Variants in ROCK2 observed in about 807,000 individuals in gnomAD.
The protein encoded by ROCK2 is Rho associated coiled-coil containing protein kinase 2, also known as rho-associated protein kinase 2.
ROCK2 carries 61 observed loss-of-function variants against 195.1 expected under a neutral mutation model. That is an observed-to-expected ratio of 0.31 (90% CI 0.25 to 0.39). The LOEUF (loss-of-function observed/expected upper bound fraction) is 0.39, where lower values mean the gene tolerates loss of function less well. ROCK2 is among the 10% of genes least tolerant of loss of function. The pLI is 1.00. For missense variants in ROCK2, 1,109 were observed against 1,637.4 expected (o/e 0.68, Z 5.57); for synonymous variants, 504 against 545.5 (o/e 0.92, Z 1.06).
intron 9 of ROCK2, 26 bp from the exon 10 acceptor site, chr2:11,219,052 A>T: frequency 1.6e-6 from 2 of 1,284,022 alleles, no homozygotes; most frequent in Admixed American, 4.6e-5. Context: ...GAGAAAATAA[A>T]TTTTTTCATT....
intron 21 of ROCK2, 31 bp downstream of exon 21, chr2:11,202,020 GC>G (rs1358298336): frequency 7.8e-6 from 12 of 1,536,992 alleles, no homozygotes; most frequent in South Asian, 1.1e-5. Flanking sequence ...AACTCTGTTT[GC>G]TATTTGCAAA....
Position 11,201,087 on chromosome 2 carries a change from A to G in ROCK2, c.2780T>C (p.Leu927Pro). 1 of 1,613,564 alleles carries G rather than the reference A, an allele frequency of 6.2e-7. No individual in the cohort carries two copies. Among genetic ancestry groups the G allele is most frequent in the Non-Finnish European group, 8.5e-7 (1 of 1,179,850 alleles). ...ITLTKADSEQ[L>P]ARSIAEEQYS... is the part of the protein sequence containing the mutation. Reference sequence around the variant, plus strand: ...TTGTTCTTCAGCAATTGAACGAGCCAGTTGCTCAGAATCTGCTTTGGTCAA... The same window carrying G: ...TTGTTCTTCAGCAATTGAACGAGCCGGTTGCTCAGAATCTGCTTTGGTCAA... Residue 927 changes from leucine to proline, a missense_variant, in exon 23 of 33, where the codon CTG becomes CCG. By Grantham distance (98) the Leu-to-Pro change is moderately conservative. Transcript: ENST00000315872. This position sits in a 1 kb window ranked among gnomAD's most constrained non-coding sequence, Gnocchi z 4.6.
intron 3 of ROCK2, among the ~76,000 whole-genome samples, chr2:11,255,216 CAAAAA>C (rs70953375): frequency 1.1e-4 from 12 of 109,210 alleles, no homozygotes; most frequent in Non-Finnish European, 1.4e-4. Flanking sequence ...GACCCCATCT[CAAAAA>C]AAAAAAAAAA....
chr2:11,227,313 A>T lies in ROCK2; in HGVS notation c.809T>A (p.Phe270Tyr), dbSNP rs1664849839. The change falls in exon 6 of 33, where the codon TTC (phenylalanine) becomes TAC (tyrosine). Residue 270 changes from phenylalanine to tyrosine, a missense_variant. This residue lies in a region of ROCK2 where 253 missense variants were observed against 455.5 expected (regional missense o/e 0.56). Transcript: ENST00000315872. ...CCACCAATCACATTCTCGCCCATAGAAACCATCACCCCCTTGTGATTTCAG... is the reference window on the plus strand; with the variant it reads ...CCACCAATCACATTCTCGCCCATAGTAACCATCACCCCCTTGTGATTTCAG... ...EVLKSQGGDG[F>Y]YGRECDWWSV... 1 of 1,613,908 alleles carries T rather than the reference A, an allele frequency of 6.2e-7. No homozygotes were observed. Among genetic ancestry groups the T allele is most frequent in the Non-Finnish European group, 8.5e-7 (1 of 1,179,932 alleles).
chr2:11,307,979 G>T, intron 1 of ROCK2: 1 of 1,487,904 alleles, frequency 6.7e-7, no homozygotes, highest in Non-Finnish European at 8.9e-7. Context: ...CCTAGAACCC[G>T]GCCTTGCTGG....
intron 13 of ROCK2, 87 bp downstream of exon 13, chr2:11,216,071 T>C: frequency 9.8e-7 from 1 of 1,018,812 alleles, no homozygotes; most frequent in East Asian, 2.4e-5. Flanking sequence ...CACGTATTAC[T>C]ATGGTACCAA....
rs1406714112 is a variant in ROCK2 at position 11,308,042 on chromosome 2, G to A, written c.142-20306C>T. On this transcript the variant is annotated intron_variant, in intron 1 of 32. Coordinates refer to ENST00000315872, the MANE Select transcript of ROCK2 (RefSeq NM_004850.5). ...GACCAGCCATGTCAGAGGTGACCCG[G>A]AGTCTGCTGCAGCGCTGGGGCGCCA... 5 of 1,591,596 alleles carry A rather than the reference G, an allele frequency of 3.1e-6. No homozygotes were observed. In the South Asian group the frequency reaches 3.4e-5, roughly 11 times the overall value.
At position 11,269,023 on chromosome 2, in the gene ROCK2, C is replaced by T. The variant is rs1332635774; in HGVS notation, c.324+17516G>A. Among the ~76,000 whole-genome samples the T allele has an allele frequency of 5.3e-5, 8 of 152,326 alleles. No individual in the cohort carries two copies. In the South Asian group the frequency reaches 1.2e-3, roughly 24 times the overall value. On this transcript the variant is annotated intron_variant, in intron 3 of 32. Coordinates refer to ENST00000315872, the MANE Select transcript of ROCK2 (RefSeq NM_004850.5). ...ACAAGTTTGCTGATTCTTCTGCCGG[C>T]TCAAATCTGCCCCTTTGACTCCTTT...
rs1211972817 is a variant in ROCK2 at position 11,344,560 on chromosome 2, T to C, written c.-424A>G. On this transcript the variant is annotated 5_prime_UTR_variant, in exon 1 of 33. Coordinates refer to ENST00000315872, the MANE Select transcript of ROCK2 (RefSeq NM_004850.5). The surrounding 1 kb of genome is among the most constrained non-coding windows in gnomAD (Gnocchi z 5.4). ...GCCACTACGGCCGCCGCCGGCCCGC[T>C]GCCATGGTCGCCGCCGGCCGCCTTG... The C allele has an allele frequency of 2.2e-6, 2 of 923,514 alleles. No individual in the cohort carries two copies. Among genetic ancestry groups the C allele is most frequent in the Non-Finnish European group, 2.6e-6 (2 of 777,858 alleles). The allele number at this position is 923,514 out of a possible 1,614,324, so 57.2% of individuals were successfully genotyped here. A position where few individuals can be genotyped will look rare whatever the true frequency, so the allele number is the denominator to read the frequency against.
chr2:11,272,572 GGCAGAGCTGTTAAAGAA>G (rs528381335), intron 3 of ROCK2, among the ~76,000 whole-genome samples: 319 of 152,192 alleles, frequency 2.1e-3, no homozygotes, highest in South Asian at 5.4e-3. Context: ...AAAGGGTGAG[GGCAGAGCTGTTAAAGAA>G]GCAGAGCTGG....
chr2:11,336,607 C>T (rs1394944528), intron 1 of ROCK2, among the ~76,000 whole-genome samples: 3 of 152,152 alleles, frequency 2.0e-5, no homozygotes, highest in African/African-American at 4.8e-5. Context: ...ACTGATGATC[C>T]GGTGTAGCTA....
intron 32 of ROCK2, among the ~76,000 whole-genome samples, chr2:11,185,500 G>C (rs111606224): frequency 0.024 from 3,682 of 152,224 alleles, 62 homozygotes; most frequent in East Asian, 0.052. Context: ...AGGCTGAGGC[G>C]GGCAGATCAC....
intron 3 of ROCK2, among the ~76,000 whole-genome samples, chr2:11,271,944 C>T (rs1572342409): frequency 1.3e-5 from 2 of 150,842 alleles, no homozygotes. Context: ...GGCGTGAACC[C>T]GACAGGCGGA....
intron 3 of ROCK2, among the ~76,000 whole-genome samples, chr2:11,254,561 G>T (rs892134350): frequency 2.0e-5 from 3 of 151,830 alleles, no homozygotes; most frequent in African/African-American, 7.3e-5. Context: ...AACACTGGAG[G>T]TTAAGTGGCA....
intron 4 of ROCK2, among the ~76,000 whole-genome samples, chr2:11,240,133 A>G (rs552804248): frequency 6.6e-6 from 1 of 152,166 alleles, no homozygotes; most frequent in Non-Finnish European, 1.5e-5. Flanking sequence ...TGATTAATTA[A>G]ATCACTGGCC....
chr2:11,291,186 T>G (rs1667351800), intron 1 of ROCK2, among the ~76,000 whole-genome samples: 1 of 152,254 alleles, frequency 6.6e-6, no homozygotes. Context: ...CAGAGCCTTT[T>G]ATACTTCAGT....
intron 1 of ROCK2, among the ~76,000 whole-genome samples, chr2:11,304,866 G>A (rs1171069104): frequency 6.6e-5 from 10 of 152,192 alleles, no homozygotes; most frequent in Admixed American, 6.5e-4. Flanking sequence ...AACAAGTAGG[G>A]AAAACTGAGC....
chr2:11,203,702 G>A (rs2148048198), intron 20 of ROCK2, among the ~76,000 whole-genome samples: 1 of 152,190 alleles, frequency 6.6e-6, no homozygotes, highest in African/African-American at 2.4e-5. Flanking sequence ...GGGAAGTTAT[G>A]ACTCAATGTC....
intron 25 of ROCK2, 72 bp downstream of exon 25, chr2:11,198,419 G>T: frequency 9.4e-7 from 1 of 1,062,594 alleles, no homozygotes; most frequent in Non-Finnish European, 1.4e-6. Context: ...AATTTGTAAT[G>T]CTAGAAGTAA....
Sources: allele counts gnomAD v4.1 joint callset (sites outside exome capture counted in the v4.1 genomes callset), GRCh38; gene constraint gnomAD v4.1.1; regional missense constraint gnomAD v4.1.1; non-coding constraint Gnocchi (gnomAD v3.1); transcripts MANE v1.5; gene names NCBI Gene and HGNC (gene_info 2026-07-23, HGNC 2026-07-21).